The following GFI1B variants were observed in gnomAD, a reference collection of about 807,000 sequenced individuals.
GFI1B encodes zinc finger protein Gfi-1b.
A neutral mutation model predicts 35.3 loss-of-function variants in GFI1B; 20 were observed. That is an observed-to-expected ratio of 0.57 (90% CI 0.40 to 0.82). The LOEUF (loss-of-function observed/expected upper bound fraction) is 0.82. GFI1B is among the 40% of genes least tolerant of loss of function. GFI1B has a pLI of 0.00. For missense variants in GFI1B, 430 were observed against 446.3 expected, an observed-to-expected ratio of 0.96 and a Z score of 0.33; for synonymous variants, 178 against 177.6, an observed-to-expected ratio of 1.00 and a Z score of -0.02.
intron 1 of GFI1B, among the ~76,000 whole-genome samples, chr9:132,971,573 C>T (rs1848532286): frequency 6.6e-6 from 1 of 152,048 alleles, no homozygotes; most frequent in African/African-American, 2.4e-5. Context: ...ACATTATAAA[C>T]ACATACAAGT....
rs910795219 is a variant in GFI1B at position 132,989,833 on chromosome 9, C to T, written c.740C>T (p.Pro247Leu). ...THLLIHSDTR[P>L]YPCQFCGKRF... ...CTGCTCATCCACTCAGACACGCGGCCCTACCCCTGCCAGTTCTGCGGCAAG... is the reference window on the plus strand; with the variant it reads ...CTGCTCATCCACTCAGACACGCGGCTCTACCCCTGCCAGTTCTGCGGCAAG... Residue 247 changes from proline (P) to leucine (L), a missense_variant, in exon 6 of 7, where the codon CCC becomes CTC. Transcript: ENST00000372122. The surrounding 1 kb of genome is among the most constrained non-coding windows in gnomAD (Gnocchi z 6.2). 1.4e-5 allele frequency: 22 copies of T among 1,614,114 alleles called. No homozygotes were observed. Among genetic ancestry groups the T allele is most frequent in the Non-Finnish European group, 1.9e-5 (22 of 1,180,006 alleles).
At chr9:132,957,434 G>T (rs963852606) in intron 1 of GFI1B, among the ~76,000 whole-genome samples, 1 of 152,182 alleles carries the variant, frequency 6.6e-6, no homozygotes, top group African/African-American at 2.4e-5. Context: ...GTATGTAGTC[G>T]TTTATGTGTC....
rs1451699754 is a variant in GFI1B, at chr9:132,989,398, C to A, written c.648+200C>A. Among the ~76,000 whole-genome samples, 2 of 152,192 alleles carry A rather than the reference C, an allele frequency of 1.3e-5. No individual in the cohort carries two copies. The highest frequency in any genetic ancestry group is 6.5e-5 in the Admixed American group (1 of 15,288). On this transcript the variant is annotated intron_variant, in intron 5 of 6. Coordinates refer to ENST00000372122, the MANE Select transcript of GFI1B (RefSeq NM_001377304.1). This position sits in a 1 kb window ranked among gnomAD's most constrained non-coding sequence, Gnocchi z 6.2. ...AACTTCAGACTCTTAACTAAACCAC[C>A]GTGCAGACCACAACCATCCCTGCCT... is the stretch of plus-strand genomic sequence containing the variant.
At chr9:132,979,013 C>T (rs1306484167) in intron 1 of GFI1B, among the ~76,000 whole-genome samples, 172 bp downstream of exon 1, 1 of 152,186 alleles carries the variant, frequency 6.6e-6, no homozygotes, top group Non-Finnish European at 1.5e-5. Context: ...AGGACGTAGC[C>T]TCGTCTGAGC....
At chr9:132,968,642 A>G (rs919724610) in intron 1 of GFI1B, among the ~76,000 whole-genome samples, 3 of 152,090 alleles carry the variant, frequency 2.0e-5, no homozygotes, top group Admixed American at 6.6e-5. Context: ...ATATAATTAG[A>G]ATATTCGGTA....
At chr9:132,968,086 TTTTATTTATTTATTTATTTA>T (rs34989096) in intron 1 of GFI1B, among the ~76,000 whole-genome samples, 4 of 137,792 alleles carry the variant, frequency 2.9e-5, no homozygotes, top group East Asian at 4.3e-4. Context: ...CCAGCCATTC[TTTTATTTATTTATTTATTTA>T]TTTATTTATT....
intron 1 of GFI1B, among the ~76,000 whole-genome samples, chr9:132,984,315 G>A (rs1422939372): frequency 6.6e-6 from 1 of 152,102 alleles, no homozygotes; most frequent in Non-Finnish European, 1.5e-5. Context: ...AAGGAAGGGG[G>A]GTGTGGGGAG....
At chr9:132,949,357 A>ACC (rs1848168129) in intron 1 of GFI1B, among the ~76,000 whole-genome samples, 1 of 149,896 alleles carries the variant, frequency 6.7e-6, no homozygotes, top group East Asian at 2.0e-4. Context: ...ACACACACAC[A>ACC]CCCCCAACCC....
At chr9:132,954,052 T>G (rs540458897) in intron 1 of GFI1B, among the ~76,000 whole-genome samples, 1 of 152,340 alleles carries the variant, frequency 6.6e-6, no homozygotes, top group African/African-American at 2.4e-5. Flanking sequence ...AAACCCTAGC[T>G]AGGGGTCTAT....
chr9:132,961,243 A>G (rs1485036440), intron 1 of GFI1B, among the ~76,000 whole-genome samples: 1 of 152,216 alleles, frequency 6.6e-6, no homozygotes, highest in Non-Finnish European at 1.5e-5. Context: ...TCAAAAAACC[A>G]AAGCAAAACA....
chr9:132,945,756 C>G (rs891570262), intron 1 of GFI1B: 1 of 153,006 alleles, frequency 6.5e-6, no homozygotes, highest in Non-Finnish European at 1.5e-5. Context: ...ACCGCGATGA[C>G]TTTTGCATCA....
chr9:132,971,092 T>A (rs11243960), intron 1 of GFI1B, among the ~76,000 whole-genome samples: 2 of 152,168 alleles, frequency 1.3e-5, no homozygotes, highest in Non-Finnish European at 2.9e-5. Flanking sequence ...CTTGAACTCC[T>A]GGGCTCAAGC....
At chr9:132,986,473 G>A (rs555244883) in intron 1 of GFI1B, among the ~76,000 whole-genome samples, 186 bp from the exon 2 acceptor site, 1 of 152,254 alleles carries the variant, frequency 6.6e-6, no homozygotes, top group East Asian at 1.9e-4. Flanking sequence ...ATCATAACTT[G>A]ATTACATCTG....
At chr9:132,963,400 A>G (rs1420583132) in intron 1 of GFI1B, among the ~76,000 whole-genome samples, 1 of 152,152 alleles carries the variant, frequency 6.6e-6, no homozygotes, top group Non-Finnish European at 1.5e-5. Context: ...TAATCTCTTG[A>G]ACCTGGGAGG....
intron 1 of GFI1B, among the ~76,000 whole-genome samples, chr9:132,972,468 T>C (rs1848546255): frequency 6.6e-6 from 1 of 152,024 alleles, no homozygotes; most frequent in Non-Finnish European, 1.5e-5. Context: ...TGTGTGCTTA[T>C]GGTCCTAGCT....
upstream of GFI1B, among the ~76,000 whole-genome samples, chr9:132,976,211 T>G (rs927203520): frequency 7.3e-5 from 11 of 149,720 alleles, no homozygotes; most frequent in Admixed American, 3.3e-4. Context: ...ATGAAACCAT[T>G]AAAGATTTAA....
intron 1 of GFI1B, among the ~76,000 whole-genome samples, chr9:132,982,713 C>A (rs74718324): frequency 6.6e-6 from 1 of 151,054 alleles, no homozygotes; most frequent in Admixed American, 6.6e-5. Flanking sequence ...AAAAAAAAAA[C>A]AACTCTGCTA....
chr9:132,983,512 T>G (rs968711639), intron 1 of GFI1B, among the ~76,000 whole-genome samples: 1 of 152,164 alleles, frequency 6.6e-6, no homozygotes, highest in Non-Finnish European at 1.5e-5. Flanking sequence ...TCTCCCCTCT[T>G]GCCCCAGCAC....
At chr9:132,963,329 A>C (rs1848396772) in intron 1 of GFI1B, among the ~76,000 whole-genome samples, 2 of 151,956 alleles carry the variant, frequency 1.3e-5, no homozygotes, top group Admixed American at 1.3e-4. Flanking sequence ...AAAATACAAA[A>C]ATTAGTGGCA....
Sources: allele counts gnomAD v4.1 joint callset (sites outside exome capture counted in the v4.1 genomes callset), GRCh38; gene constraint gnomAD v4.1.1; non-coding constraint Gnocchi (gnomAD v3.1); transcripts MANE v1.5; gene names NCBI Gene and HGNC (gene_info 2026-07-23, HGNC 2026-07-21).